Variants in SCUBE1 observed in about 807,000 individuals in gnomAD.
The protein encoded by SCUBE1 is signal peptide, CUB and EGF-like domain-containing protein 1.
A neutral mutation model predicts 124.4 loss-of-function variants in SCUBE1; 59 were observed. That is an observed-to-expected ratio of 0.47 (90% confidence interval 0.38 to 0.59). The LOEUF (loss-of-function observed/expected upper bound fraction) is 0.59. SCUBE1 is among the 20% of genes least tolerant of loss of function. The pLI is 0.00. For synonymous variants in SCUBE1, 545 were observed against 550.9 expected (o/e 0.99, Z 0.15); for missense variants, 1,150 against 1,371.2 (o/e 0.84, Z 2.55).
At chr22:43,262,975 A>T (rs1923928296) in intron 4 of SCUBE1, 130 bp from the exon 5 acceptor site, 7 of 932,810 alleles carry the variant, frequency 7.5e-6, no homozygotes, top group Non-Finnish European at 1.1e-5. Flanking sequence ...TATCATGCAC[A>T]CACACGCACT....
chr22:43,309,038 C>T (rs1372623294), intron 3 of SCUBE1, among the ~76,000 whole-genome samples: 1 of 152,006 alleles, frequency 6.6e-6, no homozygotes, highest in African/African-American at 2.4e-5. Flanking sequence ...GGGAGCGGAC[C>T]GTGGGCAGCA....
chr22:43,263,184 G>T (rs1248218778), intron 4 of SCUBE1, among the ~76,000 whole-genome samples: 2 of 152,118 alleles, frequency 1.3e-5, no homozygotes, highest in African/African-American at 4.8e-5. Context: ...CTACTTTTGT[G>T]TCAGGGTGAT....
intron 7 of SCUBE1, among the ~76,000 whole-genome samples, chr22:43,236,583 C>G (rs1399663879): frequency 6.6e-6 from 1 of 152,212 alleles, no homozygotes; most frequent in Non-Finnish European, 1.5e-5. Flanking sequence ...GGCCTTGCGC[C>G]ATCTGGCCCG....
rs71775101 is a variant in SCUBE1 at position 43,217,118 on chromosome 22, CAT to C, written c.1891+1135_1891+1136del. Reference sequence around the variant, plus strand: ...ACAGCTTCCCCCAACCCCCACCCCCCATCCGCCAGGTGTCACCTCTTCTCCAA... The same window carrying C: ...ACAGCTTCCCCCAACCCCCACCCCCCCCGCCAGGTGTCACCTCTTCTCCAA... On this transcript the variant is annotated intron_variant, in intron 15 of 21. Transcript: ENST00000360835. Among the ~76,000 whole-genome samples the C allele has an allele frequency of 3.6e-4, 31 of 85,720 alleles. 2 individuals are homozygous for C. The highest frequency in any genetic ancestry group is 2.6e-3 in the East Asian group (4 of 1,518). The allele number at this position is 85,720 out of a possible 152,430, so 56.2% of individuals were successfully genotyped here.
intron 1 of SCUBE1, among the ~76,000 whole-genome samples, chr22:43,340,565 C>T (rs527895184): frequency 3.3e-5 from 5 of 151,432 alleles, no homozygotes; most frequent in East Asian, 3.9e-4. Flanking sequence ...TGCCTCTTGT[C>T]GGGCACAGTT....
chr22:43,327,039 C>T (rs1294244280), intron 2 of SCUBE1, among the ~76,000 whole-genome samples: 2 of 152,154 alleles, frequency 1.3e-5, no homozygotes, highest in African/African-American at 2.4e-5. Flanking sequence ...CAGCTTGAGC[C>T]TCAGAAACGA....
At chr22:43,333,444 A>T (rs113447438) in intron 2 of SCUBE1, among the ~76,000 whole-genome samples, 1,642 of 152,300 alleles carry the variant, frequency 0.011, 17 homozygotes, top group African/African-American at 0.038. Context: ...TTGCCCTTGA[A>T]GGTGGGAAGA....
At chr22:43,323,738 C>T (rs917289405) in intron 2 of SCUBE1, among the ~76,000 whole-genome samples, 49 of 152,100 alleles carry the variant, frequency 3.2e-4, no homozygotes, top group African/African-American at 1.1e-3. Flanking sequence ...CATTCAAACA[C>T]CTACCTACCC....
chr22:43,273,463 G>T lies in SCUBE1; in HGVS notation c.485-10618C>A, dbSNP rs910217547. 1.1e-4 allele frequency among the ~76,000 whole-genome samples: 17 copies of T among 151,928 alleles called. No individual in the cohort carries two copies. In the East Asian group the frequency reaches 3.3e-3, roughly 29 times the overall value. On this transcript the variant is annotated intron_variant, in intron 4 of 21. Transcript: ENST00000360835. Reference sequence around the variant, plus strand: ...ACACCGAGGTGGGGCAGGTTGATTCGACAGCGCTGATTTGCGTCCCCATCC... The same window carrying T: ...ACACCGAGGTGGGGCAGGTTGATTCTACAGCGCTGATTTGCGTCCCCATCC...
chr22:43,313,068 A>G (rs1926226424), intron 3 of SCUBE1, among the ~76,000 whole-genome samples: 1 of 152,176 alleles, frequency 6.6e-6, no homozygotes, highest in African/African-American at 2.4e-5. Flanking sequence ...AGAAGACACT[A>G]ATGTCTTTGG....
chr22:43,304,226 T>C (rs1377573819), intron 3 of SCUBE1, among the ~76,000 whole-genome samples: 1 of 152,248 alleles, frequency 6.6e-6, no homozygotes, highest in Non-Finnish European at 1.5e-5. Flanking sequence ...GGTGGCCTCA[T>C]CTGCCACCGT....
chr22:43,295,805 C>T (rs113208379), intron 3 of SCUBE1, among the ~76,000 whole-genome samples: 19 of 152,378 alleles, frequency 1.2e-4, no homozygotes, highest in African/African-American at 3.8e-4. Flanking sequence ...CTCTGTGCCA[C>T]ACTACCCCTG....
At chr22:43,232,173 G>C (rs1349298782) in intron 7 of SCUBE1, 2 of 355,768 alleles carry the variant, frequency 5.6e-6, no homozygotes, top group East Asian at 1.0e-4. Context: ...GATGGCTGCT[G>C]TGCCCGGCAA....
At chr22:43,265,606 C>T (rs1423385574) in intron 4 of SCUBE1, among the ~76,000 whole-genome samples, 1 of 152,216 alleles carries the variant, frequency 6.6e-6, no homozygotes, top group Non-Finnish European at 1.5e-5. Context: ...CCCCCACTGG[C>T]TCTGCAACGG....
chr22:43,280,492 C>CTGCTGT (rs767871082), intron 4 of SCUBE1, among the ~76,000 whole-genome samples: 2 of 42,104 alleles, frequency 4.8e-5, no homozygotes, highest in Admixed American at 3.1e-4. Context: ...CTCACCCATC[C>CTGCTGT]CCGTCCCTTC....
At position 43,208,371 on chromosome 22, in the gene SCUBE1, C is replaced by T. The variant is rs990340204; in HGVS notation, c.2582-147G>A. The T allele has an allele frequency of 8.4e-6, 6 of 717,174 alleles. No individual in the cohort carries two copies. The African/African-American group carries it at 8.8e-5, about 11-fold the overall frequency. The allele number at this position is 717,174 out of a possible 1,614,324, so 44.4% of individuals were successfully genotyped here. ...AACGGCTTAGTCTTTGTGCTTGCTCCCTCTGCCTCTGAGGCCCTTCCCTAC... is the reference window on the plus strand; with the variant it reads ...AACGGCTTAGTCTTTGTGCTTGCTCTCTCTGCCTCTGAGGCCCTTCCCTAC... On this transcript the variant is annotated intron_variant, in intron 19 of 21. Transcript: ENST00000360835.
At chr22:43,218,073 G>A (rs1921914772) in intron 15 of SCUBE1, among the ~76,000 whole-genome samples, 182 bp downstream of exon 15, 1 of 152,184 alleles carries the variant, frequency 6.6e-6, no homozygotes, top group African/African-American at 2.4e-5. Flanking sequence ...CAGCACAGAG[G>A]AGTGCTCTTC....
intron 15 of SCUBE1, among the ~76,000 whole-genome samples, chr22:43,217,787 C>T (rs1921901521): frequency 1.3e-5 from 2 of 152,106 alleles, no homozygotes; most frequent in African/African-American, 4.8e-5. Context: ...GGGCCGGCCT[C>T]ACCTGCTTCC....
At chr22:43,270,591 T>C (rs1157237136) in intron 4 of SCUBE1, 2 of 152,270 alleles carry the variant, frequency 1.3e-5, no homozygotes, top group African/African-American at 4.8e-5. Context: ...AGCCAAGGCC[T>C]GGCAGAGACA....
Sources: allele counts gnomAD v4.1 joint callset (sites outside exome capture counted in the v4.1 genomes callset), GRCh38; gene constraint gnomAD v4.1.1; transcripts MANE v1.5; gene names NCBI Gene and HGNC (gene_info 2026-07-23, HGNC 2026-07-21).